The following CD80 variants were observed in gnomAD, a reference collection of about 807,000 sequenced individuals.
CD80 encodes the protein CD80 molecule.
CD80 carries 13 observed loss-of-function variants against 27.1 expected under a neutral mutation model. The ratio of observed to expected loss-of-function variants is 0.48; its 90% CI spans 0.31 to 0.76. CD80 has a LOEUF of 0.76. Among genes scored for constraint, CD80 ranks in the 30% least tolerant of loss-of-function variants. CD80 has a pLI of 0.04. For missense variants in CD80, 277 were observed against 347.9 expected (o/e 0.80, Z 1.62); for synonymous variants, 125 against 125.5 (o/e 1.00, Z 0.03).
rs113019813 is a variant in CD80 at position 119,528,724 on chromosome 3, C to T, written c.797-883G>A. Among the ~76,000 whole-genome samples the T allele has an allele frequency of 8.2e-3, 1,246 of 152,072 alleles. 8 individuals carry two copies. The highest frequency in any genetic ancestry group is 0.029 in the African/African-American group (1,192 of 41,524). On this transcript the variant is annotated intron_variant, in intron 5 of 6. Transcript: ENST00000264246. ...GGATCACGAGGTCAGGAGATCAAGA[C>T]CATCCTGGCCAACATGGTGAAACCC...
At chr3:119,544,342 CAA>C in intron 3 of CD80, 1 of 579,010 alleles carries the variant, frequency 1.7e-6, no homozygotes, top group Non-Finnish European at 3.1e-6. Context: ...CTTGGATTGT[CAA>C]AGAACAAGAA....
intron 4 of CD80, among the ~76,000 whole-genome samples, chr3:119,531,649 T>TTTTATTTATTTA (rs145319833): frequency 0.027 from 4,089 of 149,142 alleles, 66 homozygotes; most frequent in East Asian, 0.057. Flanking sequence ...CAGTGGTAAG[T>TTTTATTTATTTA]TTTATTTATT....
chr3:119,531,876 C>T (rs921791187), intron 4 of CD80, among the ~76,000 whole-genome samples: 3 of 152,108 alleles, frequency 2.0e-5, no homozygotes, highest in Non-Finnish European at 4.4e-5. Context: ...GTTGGCCAGA[C>T]TGGTCTCGAA....
At chr3:119,526,704 G>C (rs145327292) in intron 6 of CD80, among the ~76,000 whole-genome samples, 1 of 152,206 alleles carries the variant, frequency 6.6e-6, no homozygotes, top group East Asian at 1.9e-4. Context: ...AGATGAAATA[G>C]TGTTTTTGCA....
intron 4 of CD80, among the ~76,000 whole-genome samples, chr3:119,534,052 C>T (rs764068579): frequency 6.6e-6 from 1 of 152,092 alleles, no homozygotes; most frequent in Non-Finnish European, 1.5e-5. Flanking sequence ...ATGGGCCAAA[C>T]CTGTCCTGCA....
chr3:119,527,769 T>C lies in CD80; in HGVS notation c.*2A>G, dbSNP rs749648891. 1 of 1,613,026 alleles carries C rather than the reference T, an allele frequency of 6.2e-7. No homozygotes were observed. Among genetic ancestry groups the C allele is most frequent in the South Asian group, 1.1e-5 (1 of 91,054 alleles). On this transcript the variant is annotated 3_prime_UTR_variant, in exon 6 of 7. Transcript: ENST00000264246. ...TTCAGCCCCTTGCTTCTGCGGACACTGTTATACAGGGCGTACACTTTCCCT... is the reference window on the plus strand; with the variant it reads ...TTCAGCCCCTTGCTTCTGCGGACACCGTTATACAGGGCGTACACTTTCCCT...
At chr3:119,550,877 G>A (rs73854858) in intron 2 of CD80, among the ~76,000 whole-genome samples, 2,735 of 152,180 alleles carry the variant, frequency 0.018, 85 homozygotes, top group African/African-American at 0.063. Context: ...ATCTACTCTC[G>A]TGGCCCCTTG....
chr3:119,543,502 G>A (rs2082183097), intron 3 of CD80, among the ~76,000 whole-genome samples: 1 of 151,294 alleles, frequency 6.6e-6, no homozygotes, highest in Non-Finnish European at 1.5e-5. Context: ...TGTCACCAAG[G>A]CTGGAGTGCA....
At chr3:119,532,922 C>A (rs2082117985) in intron 4 of CD80, among the ~76,000 whole-genome samples, 1 of 152,190 alleles carries the variant, frequency 6.6e-6, no homozygotes, top group Non-Finnish European at 1.5e-5. Flanking sequence ...AGTGTACCTA[C>A]CACTTAAAGA....
Position 119,545,336 on chromosome 3 carries a change from C to CCAAA in CD80, c.101-473_101-470dup, listed in dbSNP as rs138694157. Among the ~76,000 whole-genome samples the CCAAA allele has an allele frequency of 3.1e-3, 463 of 151,172 alleles. 1 individual carries two copies. Among genetic ancestry groups the CCAAA allele is most frequent in the East Asian group, 0.016 (85 of 5,182 alleles). On this transcript the variant is annotated intron_variant, in intron 2 of 6. Coordinates refer to ENST00000264246, the MANE Select transcript of CD80 (RefSeq NM_005191.4). ...GGGCAACAAGAGCAAAACTCCATCT[C>CCAAA]CAAACAAACAAACAAACAAACAAAC...
intron 2 of CD80, among the ~76,000 whole-genome samples, chr3:119,551,999 C>T (rs1054649767): frequency 6.6e-6 from 1 of 152,210 alleles, no homozygotes; most frequent in African/African-American, 2.4e-5. Flanking sequence ...CAACGCTGCT[C>T]GCCTTCTGGC....
chr3:119,533,698 T>C (rs1453844701), intron 4 of CD80, among the ~76,000 whole-genome samples: 1 of 152,190 alleles, frequency 6.6e-6, no homozygotes, highest in African/African-American at 2.4e-5. Context: ...TCTGCCATGA[T>C]TTGTGAGGCC....
At chr3:119,529,016 A>C (rs983181940) in intron 5 of CD80, among the ~76,000 whole-genome samples, 2 of 148,944 alleles carry the variant, frequency 1.3e-5, no homozygotes, top group Non-Finnish European at 3.0e-5. Flanking sequence ...ATCTTGGCTC[A>C]CTGCAGTCTC....
chr3:119,526,696 A>G (rs2082068025), intron 6 of CD80, among the ~76,000 whole-genome samples: 1 of 152,234 alleles, frequency 6.6e-6, no homozygotes, highest in African/African-American at 2.4e-5. Flanking sequence ...TAAGACTAAG[A>G]TGAAATAGTG....
chr3:119,544,448 A>G, intron 3 of CD80, 102 bp downstream of exon 3: 1 of 911,322 alleles, frequency 1.1e-6, no homozygotes, highest in Non-Finnish European at 1.7e-6. Context: ...GAAGTGAGAT[A>G]CATCCCTCTT....
At chr3:119,539,619 T>C (rs544149777) in intron 3 of CD80, among the ~76,000 whole-genome samples, 97 of 152,298 alleles carry the variant, frequency 6.4e-4, no homozygotes, top group African/African-American at 2.1e-3. Context: ...CATAAGATTC[T>C]GAAGTACAAA....
intron 3 of CD80, 68 bp downstream of exon 3, chr3:119,544,482 A>G (rs774967843): frequency 1.4e-6 from 2 of 1,380,426 alleles, no homozygotes; most frequent in Non-Finnish European, 2.0e-6. Flanking sequence ...ACCTAAATCA[A>G]TAGCCATGTG....
chr3:119,555,915 C>T (rs546863954), intron 2 of CD80, among the ~76,000 whole-genome samples: 36 of 152,298 alleles, frequency 2.4e-4, no homozygotes, highest in African/African-American at 8.4e-4. Context: ...GTTGCCCTGA[C>T]CAGAATTCTC....
chr3:119,552,906 A>T lies in CD80; in HGVS notation c.100+4723T>A, dbSNP rs75501241. On this transcript the variant is annotated intron_variant, in intron 2 of 6. Coordinates refer to ENST00000264246, the MANE Select transcript of CD80 (RefSeq NM_005191.4). ...GAGAAAAGAAATGTCTAGAACAGGC[A>T]AATTCATAGAGACAGAGAGTAAATT... Among the ~76,000 whole-genome samples the T allele has an allele frequency of 3.2e-3, 484 of 152,212 alleles. 7 individuals carry two copies. The East Asian group carries it at 0.04, about 13-fold the overall frequency.
Sources: gnomAD v4.1 joint callset for allele counts (sites outside exome capture counted in the v4.1 genomes callset) on GRCh38, gnomAD v4.1.1 for gene constraint, MANE v1.5 for transcripts, NCBI Gene and HGNC (gene_info 2026-07-23, HGNC 2026-07-21) for gene names.